The following PADI1 variants were observed in gnomAD, a reference collection of about 807,000 sequenced individuals.
The protein encoded by PADI1 is peptidyl arginine deiminase 1, also known as protein-arginine deiminase type-1.
A neutral mutation model predicts 74.8 loss-of-function variants in PADI1; 65 were observed. That is an observed-to-expected ratio of 0.87 (90% CI 0.71 to 1.07). The LOEUF (loss-of-function observed/expected upper bound fraction) is 1.07, where lower values mean the gene tolerates loss of function less well. Ranked by LOEUF, PADI1 falls within the 50% of genes least tolerant of loss-of-function variation. The pLI is 0.00. For synonymous variants in PADI1, 371 were observed against 336.2 expected, an observed-to-expected ratio of 1.10 and a Z score of -1.13; for missense variants, 943 against 854.0, an observed-to-expected ratio of 1.10 and a Z score of -1.30.
At chr1:17,232,727 C>A in intron 10 of PADI1, 92 bp from the exon 11 acceptor site, 1 of 1,156,986 alleles carries the variant, frequency 8.6e-7, no homozygotes, top group East Asian at 2.7e-5. Context: ...GTGGGAGACC[C>A]CCAGCAACTC....
At chr1:17,240,014 A>G in intron 14 of PADI1, 1 of 522,740 alleles carries the variant, frequency 1.9e-6, no homozygotes, top group Non-Finnish European at 3.5e-6. Flanking sequence ...ACCCGGCCCC[A>G]CGCTGGGGCA....
rs369097473 is a variant in PADI1, at chr1:17,217,148, C to T, written c.93-5142C>T. On this transcript the variant is annotated intron_variant, in intron 1 of 15. Coordinates refer to ENST00000375471, the MANE Select transcript of PADI1 (RefSeq NM_013358.3). ...AGAGTACCAGTGTAGGGATTCTGCC[C>T]GTTGCCGATGGTGCCTATTCCAATT... Among the ~76,000 whole-genome samples, 338 of 152,078 alleles carry T rather than the reference C, an allele frequency of 2.2e-3. 3 individuals are homozygous for T. Among genetic ancestry groups the T allele is most frequent in the African/African-American group, 7.7e-3 (319 of 41,474 alleles).
chr1:17,211,087 G>A (rs2071822186), intron 1 of PADI1, among the ~76,000 whole-genome samples: 1 of 152,240 alleles, frequency 6.6e-6, no homozygotes, highest in African/African-American at 2.4e-5. Context: ...GAAGGGAGGT[G>A]CCAGGGTCCT....
rs962891340 is a variant in PADI1 at position 17,222,988 on chromosome 1, C to G, written c.273+518C>G. Among the ~76,000 whole-genome samples the G allele has an allele frequency of 3.9e-5, 5 of 126,626 alleles. No individual in the cohort carries two copies. In the Admixed American group the frequency reaches 4.2e-4, roughly 11 times the overall value. The allele number at this position is 126,626 out of a possible 152,430, so 83.1% of individuals were successfully genotyped here. On this transcript the variant is annotated intron_variant, in intron 2 of 15. Transcript: ENST00000375471. ...AATCCTAGACATGGCCCTTTCTCCC[C>G]GACAGGGAAAAGGCAGGGATAAAGC... is the stretch of plus-strand genomic sequence containing the variant.
intron 1 of PADI1, among the ~76,000 whole-genome samples, chr1:17,206,162 A>G (rs940465183): frequency 4.6e-5 from 7 of 152,140 alleles, no homozygotes; most frequent in Non-Finnish European, 7.4e-5. Flanking sequence ...CCTTGCAGAT[A>G]GGGGGCTCGT....
rs1318105762 is a variant in PADI1 at position 17,238,664 on chromosome 1, C to A, written c.1507C>A (p.Gln503Lys). 1.3e-6 allele frequency: 2 copies of A among 1,556,532 alleles called. No individual in the cohort carries two copies. The highest frequency in any genetic ancestry group is 2.4e-5 in the East Asian group (1 of 41,610). Residue 503 changes from glutamine to lysine, a missense_variant, in exon 13 of 16, where the codon CAA becomes AAA. Physicochemically the swap from Gln to Lys is moderately conservative, Grantham distance 53. Coordinates refer to ENST00000375471, the MANE Select transcript of PADI1 (RefSeq NM_013358.3). ...CCCCAGCGCTTGCCTCAAACTCTTC[C>A]AAGAGAAGAAAGAAGAGGGTTATGG... ...ASPSACLKLF[Q>K]EKKEEGYGEA...
Position 17,226,051 on chromosome 1 carries a change from C to T in PADI1, c.545C>T (p.Pro182Leu). Residue 182 changes from proline (P) to leucine (L), a missense_variant, in exon 6 of 16, where the codon CCA becomes CTA. Pro to Leu is a moderately conservative substitution (Grantham distance 98). Transcript: ENST00000375471. ...MSLADLQDMS[P>L]MLLSCNGPDK... Reference sequence around the variant, plus strand: ...TCTCCAGACCTGCAGGACATGTCCCCAATGCTGCTGAGCTGCAATGGCCCC... The same window carrying T: ...TCTCCAGACCTGCAGGACATGTCCCTAATGCTGCTGAGCTGCAATGGCCCC... 1 of 1,614,132 alleles carries T rather than the reference C, an allele frequency of 6.2e-7. No individual in the cohort carries two copies. The highest frequency in any genetic ancestry group is 8.5e-7 in the Non-Finnish European group (1 of 1,180,016).
At chr1:17,225,686 C>A in intron 4 of PADI1, 125 bp from the exon 5 acceptor site, 2 of 720,472 alleles carry the variant, frequency 2.8e-6, no homozygotes, top group Non-Finnish European at 4.8e-6. Context: ...TTTTTAAAAT[C>A]TTTAAGCAAA....
intron 10 of PADI1, among the ~76,000 whole-genome samples, chr1:17,231,324 T>C (rs1382090556): frequency 6.6e-6 from 1 of 152,172 alleles, no homozygotes; most frequent in Non-Finnish European, 1.5e-5. Flanking sequence ...AGCAAGTTAA[T>C]AGTGGCACCA....
At position 17,241,183 on chromosome 1, in the gene PADI1, T is replaced by C. The variant is rs1157505592; in HGVS notation, c.1758+423T>C. Reference sequence around the variant, plus strand: ...CTCGCTTGCTGCTCCCCAGTGGGGGTCCTGTGTCAGGCGGTGCAGGTGGGG... The same window carrying C: ...CTCGCTTGCTGCTCCCCAGTGGGGGCCCTGTGTCAGGCGGTGCAGGTGGGG... On this transcript the variant is annotated intron_variant, in intron 15 of 15. Transcript: ENST00000375471. Among the ~76,000 whole-genome samples the C allele has an allele frequency of 3.3e-5, 5 of 152,166 alleles. No individual in the cohort carries two copies. The East Asian group carries it at 9.6e-4, about 29-fold the overall frequency.
At chr1:17,236,914 C>T (rs986577040) in intron 11 of PADI1, among the ~76,000 whole-genome samples, 20 of 152,174 alleles carry the variant, frequency 1.3e-4, no homozygotes, top group Non-Finnish European at 2.8e-4. Context: ...GGCCCTGAGG[C>T]AAGAGCAGGC....
In PADI1 at chr1:17,230,056, G is replaced by T. The variant is rs767919222; in HGVS notation, c.930-29G>T. ...CCTCAGCCACAGTCAGAGGCCATTA[G>T]CATGCTCCCCTCTCCCTACCTTTTA... On this transcript the variant is annotated intron_variant, in intron 8 of 15. Coordinates refer to ENST00000375471, the MANE Select transcript of PADI1 (RefSeq NM_013358.3). The T allele has an allele frequency of 3.1e-6, 5 of 1,603,500 alleles. No homozygotes were observed. In the African/African-American group the frequency reaches 5.3e-5, roughly 17 times the overall value.
chr1:17,211,743 C>T (rs572881010), intron 1 of PADI1, among the ~76,000 whole-genome samples: 2 of 152,204 alleles, frequency 1.3e-5, no homozygotes, highest in Non-Finnish European at 2.9e-5. Flanking sequence ...AGCAGATGAG[C>T]TTTGGAATCA....
chr1:17,212,817 A>G (rs924937283), intron 1 of PADI1, among the ~76,000 whole-genome samples: 1 of 152,180 alleles, frequency 6.6e-6, no homozygotes, highest in African/African-American at 2.4e-5. Context: ...ATTTTAGGGC[A>G]GACAAGGACA....
At chr1:17,222,852 G>A (rs1010309074) in intron 2 of PADI1, among the ~76,000 whole-genome samples, 25 of 152,106 alleles carry the variant, frequency 1.6e-4, no homozygotes, top group Admixed American at 3.9e-4. Flanking sequence ...ACACACACAC[G>A]TCCACATCTT....
chr1:17,232,935 C>T lies in PADI1; in HGVS notation c.1278C>T (p.Pro426=), dbSNP rs142341928. Residue 426 remains proline, a synonymous_variant, in exon 11 of 16, where the codon CCC becomes CCT. Transcript: ENST00000375471. The stretch of plus-strand genomic sequence containing the variant: ...TCACGGTGGGCGGCACGGAATACCC[C>T]CTGGGCCGGATCCTCATCGGGAGCA... ...PPVTVGGTEY[P]LGRILIGSSF... is the part of the protein sequence containing the mutation. 8.1e-6 allele frequency: 13 copies of T among 1,611,132 alleles called. No individual in the cohort carries two copies. The highest frequency in any genetic ancestry group is 1.0e-5 in the Non-Finnish European group (12 of 1,179,414).
At chr1:17,233,489 A>C (rs1204466706) in intron 11 of PADI1, among the ~76,000 whole-genome samples, 2 of 152,202 alleles carry the variant, frequency 1.3e-5, no homozygotes, top group African/African-American at 4.8e-5. Flanking sequence ...GAGTCAGTGG[A>C]TCTCACCCTG....
chr1:17,214,243 C>A (rs1438282411), intron 1 of PADI1, among the ~76,000 whole-genome samples: 2 of 152,084 alleles, frequency 1.3e-5, no homozygotes, highest in Non-Finnish European at 2.9e-5. Context: ...GTTGAGTGAC[C>A]CAGTTGGAGG....
chr1:17,231,186 C>T (rs943555717), intron 10 of PADI1, among the ~76,000 whole-genome samples: 1 of 152,178 alleles, frequency 6.6e-6, no homozygotes, highest in African/African-American at 2.4e-5. Flanking sequence ...GCACTGTCTC[C>T]TAGCTTTCCA....
Sources: gnomAD v4.1 joint callset for allele counts (sites outside exome capture counted in the v4.1 genomes callset) on GRCh38, gnomAD v4.1.1 for gene constraint, MANE v1.5 for transcripts, NCBI Gene and HGNC (gene_info 2026-07-23, HGNC 2026-07-21) for gene names.